BIN1: variants seen among roughly 807,000 people sequenced by gnomAD.
The protein encoded by BIN1 is myc box-dependent-interacting protein 1.
A neutral mutation model predicts 82.0 loss-of-function variants in BIN1; 53 were observed. That is an observed-to-expected ratio of 0.65 (90% CI 0.52 to 0.81). The LOEUF (loss-of-function observed/expected upper bound fraction) is 0.81. BIN1 is among the 40% of genes least tolerant of loss of function. BIN1 has a pLI of 0.00. For missense variants in BIN1, 642 were observed against 784.4 expected, an observed-to-expected ratio of 0.82 and a Z score of 2.17; for synonymous variants, 302 against 328.0, an observed-to-expected ratio of 0.92 and a Z score of 0.86.
intron 5 of BIN1, 26 bp downstream of exon 5, chr2:127,069,969 G>A (rs1291802239): frequency 1.2e-6 from 2 of 1,609,742 alleles, no homozygotes; most frequent in Non-Finnish European, 8.5e-7. Flanking sequence ...GCCAGAGCAG[G>A]GCAGATCTGC....
intron 1 of BIN1, among the ~76,000 whole-genome samples, chr2:127,087,733 T>G (rs1003164017): frequency 6.6e-6 from 1 of 152,024 alleles, no homozygotes. Context: ...GAGAGTCCCA[T>G]GTCAGTAAGC....
At chr2:127,063,691 A>G in intron 8 of BIN1, 45 bp from the exon 9 acceptor site, 3 of 1,595,954 alleles carry the variant, frequency 1.9e-6, no homozygotes, top group Non-Finnish European at 2.6e-6. Flanking sequence ...CAGGCAGGTC[A>G]GGACAGCAAC....
chr2:127,050,440 A>T lies in BIN1; in HGVS notation c.1655T>A (p.Phe552Tyr). 4 of 1,614,056 alleles carry T rather than the reference A, an allele frequency of 2.5e-6. No individual in the cohort carries two copies. The highest frequency in any genetic ancestry group is 3.4e-6 in the Non-Finnish European group (4 of 1,179,982). ...KAGDVVLVIP[F>Y]QNPEEQDEGW... ...CCTCACCTGCTCTTCAGGGTTCTGG[A>T]AGGGGATCACCAGCACCACATCACC... is the stretch of plus-strand genomic sequence containing the variant. Residue 552 changes from phenylalanine to tyrosine, a missense_variant, in exon 18 of 19, where the codon TTC becomes TAC. Coordinates refer to ENST00000316724, the MANE Select transcript of BIN1 (RefSeq NM_139343.3).
intron 1 of BIN1, among the ~76,000 whole-genome samples, chr2:127,095,496 A>T (rs1308725971): frequency 6.6e-6 from 1 of 151,974 alleles, no homozygotes. Context: ...CAGGGGCCCC[A>T]CTCCCACCCC....
At chr2:127,062,092 G>A (rs765548500) in intron 10 of BIN1, 23 bp downstream of exon 10, 21 of 1,587,156 alleles carry the variant, frequency 1.3e-5, no homozygotes, top group South Asian at 9.1e-5. Flanking sequence ...AGTCAGGGGC[G>A]CCAGGGCTCT....
At chr2:127,073,887 G>A (rs1251747140) in intron 2 of BIN1, among the ~76,000 whole-genome samples, 3 of 152,154 alleles carry the variant, frequency 2.0e-5, no homozygotes, top group Non-Finnish European at 4.4e-5. Flanking sequence ...CTGGGGGAGG[G>A]GCAAGCAGGC....
At chr2:127,061,382 C>A (rs181185446) in intron 10 of BIN1, among the ~76,000 whole-genome samples, 1 of 152,192 alleles carries the variant, frequency 6.6e-6, no homozygotes, top group African/African-American at 2.4e-5. Context: ...AGCAGACAGT[C>A]GCCCTGTTTT....
intron 7 of BIN1, among the ~76,000 whole-genome samples, chr2:127,065,306 G>A (rs186245403): frequency 9.9e-4 from 151 of 152,224 alleles, no homozygotes; most frequent in Non-Finnish European, 1.7e-3. Flanking sequence ...AATGGGGAGC[G>A]GGGGGTGGGG....
intron 1 of BIN1, among the ~76,000 whole-genome samples, chr2:127,105,321 G>T (rs1680896454): frequency 6.6e-6 from 1 of 152,066 alleles, no homozygotes; most frequent in African/African-American, 2.4e-5. Context: ...GCAGGCTCTG[G>T]CCCAGGGCTG....
intron 16 of BIN1, 77 bp from the exon 17 acceptor site, chr2:127,050,989 G>T: frequency 6.6e-7 from 1 of 1,523,984 alleles, no homozygotes; most frequent in Non-Finnish European, 9.1e-7. Flanking sequence ...GAAGAGGGGC[G>T]GGGAGGGGAG....
intron 12 of BIN1, 52 bp from the exon 13 acceptor site, chr2:127,054,064 A>G: frequency 2.7e-6 from 4 of 1,487,396 alleles, no homozygotes; most frequent in Non-Finnish European, 3.7e-6. Context: ...TTAAGCTGGG[A>G]GCCCTCACCC....
At chr2:127,088,871 GGAA>G (rs1461424434) in intron 1 of BIN1, among the ~76,000 whole-genome samples, 5 of 152,130 alleles carry the variant, frequency 3.3e-5, no homozygotes, top group South Asian at 2.1e-4. Context: ...AGGCCAGGAA[GGAA>G]GAAGAAGGTA....
In BIN1 at chr2:127,049,058, C is replaced by T. The variant is rs138519085; in HGVS notation, c.1675-425G>A. Among the ~76,000 whole-genome samples the T allele has an allele frequency of 4.6e-5, 7 of 152,354 alleles. No individual in the cohort carries two copies. The East Asian group carries it at 5.8e-4, about 13-fold the overall frequency. ...TGCCCTTTGCTTCAATCCTGACACC[C>T]GCAGGGCCTTCTCTGGGAGTGCTGA... is the stretch of plus-strand genomic sequence containing the variant. On this transcript the variant is annotated intron_variant, in intron 18 of 18. Coordinates refer to ENST00000316724, the MANE Select transcript of BIN1 (RefSeq NM_139343.3).
At chr2:127,086,010 C>T (rs1365350700) in intron 1 of BIN1, among the ~76,000 whole-genome samples, 2 of 152,042 alleles carry the variant, frequency 1.3e-5, no homozygotes, top group Non-Finnish European at 2.9e-5. Context: ...AGGTAAGCTC[C>T]ACAAAGCTCA....
In BIN1 at chr2:127,053,463, G is replaced by T. The variant is rs964634754; in HGVS notation, c.1240-18C>A. 6.2e-7 allele frequency: 1 copy of T among 1,613,646 alleles called. No individual in the cohort carries two copies. The highest frequency in any genetic ancestry group is 8.5e-7 in the Non-Finnish European group (1 of 1,179,764). ...GGAATTGACTGAGCGCAGCAGTGAG[G>T]GCGAGAAGGACAGTTAGCACAGAGG... is the stretch of plus-strand genomic sequence containing the variant. On this transcript the variant is annotated intron_variant, in intron 13 of 18. Coordinates refer to ENST00000316724, the MANE Select transcript of BIN1 (RefSeq NM_139343.3).
chr2:127,104,078 G>T (rs1680701944), intron 1 of BIN1, among the ~76,000 whole-genome samples: 1 of 152,256 alleles, frequency 6.6e-6, no homozygotes. Context: ...CCCTGCCTGA[G>T]ACAGCATCGG....
chr2:127,073,032 C>A (rs3754606), intron 2 of BIN1, among the ~76,000 whole-genome samples: 27 of 152,366 alleles, frequency 1.8e-4, no homozygotes, highest in African/African-American at 5.8e-4. Flanking sequence ...ACCTCCCCCC[C>A]ACAGCAGGGG....
chr2:127,063,419 C>A, intron 9 of BIN1, 152 bp downstream of exon 9: 1 of 825,830 alleles, frequency 1.2e-6, no homozygotes, highest in South Asian at 1.7e-5. Context: ...CTGAAGGGGG[C>A]TGTTCCACAG....
chr2:127,082,020 C>T lies in BIN1; in HGVS notation c.85-5314G>A, dbSNP rs935283207. On this transcript the variant is annotated intron_variant, in intron 1 of 18. Coordinates refer to ENST00000316724, the MANE Select transcript of BIN1 (RefSeq NM_139343.3). This position sits in a 1 kb window ranked among gnomAD's most constrained non-coding sequence, Gnocchi z 6.1. ...CAGACACAGACAGAGGACAGGCAGG[C>T]GGGCAGGGGGAAGGCCACTGTCAGA... Among the ~76,000 whole-genome samples, 2 of 152,122 alleles carry T rather than the reference C, an allele frequency of 1.3e-5. No individual in the cohort carries two copies. Among genetic ancestry groups the T allele is most frequent in the Non-Finnish European group, 2.9e-5 (2 of 68,014 alleles).
Sources: allele counts gnomAD v4.1 joint callset (sites outside exome capture counted in the v4.1 genomes callset), GRCh38; gene constraint gnomAD v4.1.1; non-coding constraint Gnocchi (gnomAD v3.1); transcripts MANE v1.5; gene names NCBI Gene and HGNC (gene_info 2026-07-23, HGNC 2026-07-21).